The following PHLDB3 variants were observed in gnomAD, a reference collection of about 807,000 sequenced individuals.
PHLDB3 encodes pleckstrin homology-like domain family B member 3.
A neutral mutation model predicts 85.7 loss-of-function variants in PHLDB3; 86 were observed. The observed-to-expected ratio is 1.00, with a 90% CI of 0.84 to 1.20. The LOEUF is 1.20. PHLDB3 is among the 50% of genes most tolerant of loss of function. PHLDB3 has a pLI of 0.00. For synonymous variants in PHLDB3, 376 were observed against 349.8 expected (o/e 1.07, Z -0.83); for missense variants, 995 against 873.0 (o/e 1.14, Z -1.76).
intron 9 of PHLDB3, among the ~76,000 whole-genome samples, 172 bp from the exon 10 acceptor site, chr19:43,487,295 C>A (rs1463772759): frequency 1.3e-5 from 2 of 152,154 alleles, no homozygotes; most frequent in Non-Finnish European, 2.9e-5. Context: ...AAATATCAAG[C>A]TGAGCACAGT....
chr19:43,503,279 G>T (rs1007763211), intron 2 of PHLDB3, among the ~76,000 whole-genome samples: 17 of 91,136 alleles, frequency 1.9e-4, no homozygotes, highest in Non-Finnish European at 4.5e-5. Flanking sequence ...CTGTCTATCT[G>T]GTCTCTCTCT....
chr19:43,497,758 C>T lies in PHLDB3; in HGVS notation c.653G>A (p.Gly218Asp). ...ACCAGATGCCATTACCTCCTGCACA[C>T]CCTGCAGAAGCCGCTCGCGTTGGTC... is the stretch of plus-strand genomic sequence containing the variant. ...PEDQRERLLQGVQEMREQLDV... is the reference protein window; with the variant it reads ...PEDQRERLLQDVQEMREQLDV... Residue 218 changes from glycine to aspartate, a missense_variant, in exon 5 of 16, where the codon GGT becomes GAT. Gly to Asp is a moderately conservative substitution (Grantham distance 94, BLOSUM62 -1). Transcript: ENST00000292140. The T allele has an allele frequency of 1.3e-6, 2 of 1,552,072 alleles. No individual in the cohort carries two copies. The highest frequency in any genetic ancestry group is 1.7e-6 in the Non-Finnish European group (2 of 1,147,236).
At chr19:43,491,839 G>T (rs1971320355) in intron 9 of PHLDB3, among the ~76,000 whole-genome samples, 1 of 151,356 alleles carries the variant, frequency 6.6e-6, no homozygotes, top group African/African-American at 2.4e-5. Flanking sequence ...TAGAGACAGG[G>T]TTTCACCATG....
rs751407231 is a variant in PHLDB3, at chr19:43,502,126, C to A, written c.371G>T (p.Arg124Leu). ...LMEQRVKELQ[R>L]QRKELRIEME... Reference sequence around the variant, plus strand: ...CTCGATCCTCAGCTCCTTCCTCTGGCGCTGTAGCTCCTTCACTCGCTGCTC... The same window carrying A: ...CTCGATCCTCAGCTCCTTCCTCTGGAGCTGTAGCTCCTTCACTCGCTGCTC... The change falls in exon 3 of 16, where the codon CGC (arginine) becomes CTC (leucine). Residue 124 changes from arginine to leucine, a missense_variant. By Grantham distance (102) the Arg-to-Leu change is moderately radical (BLOSUM62 -2). Coordinates refer to ENST00000292140, the MANE Select transcript of PHLDB3 (RefSeq NM_198850.4). 3 of 1,578,158 alleles carry A rather than the reference C, an allele frequency of 1.9e-6. No individual in the cohort carries two copies. The highest frequency in any genetic ancestry group is 4.7e-5 in the East Asian group (2 of 42,686).
Position 43,487,047 on chromosome 19 carries a change from C to T in PHLDB3, c.1226G>A (p.Arg409Gln), listed in dbSNP as rs761687416. Reference protein sequence around the residue: ...GERGSQRGSPRPLSFHCTESL... With the variant: ...GERGSQRGSPQPLSFHCTESL... ...ACCAGTACAATGGAAGGACAGAGGT[C>T]GGGGGGATCCTCTCTGGCTCCCCCT... is the stretch of plus-strand genomic sequence containing the variant. The change falls in exon 10 of 16, where the codon CGA (arginine) becomes CAA (glutamine). Residue 409 changes from arginine (R) to glutamine (Q), a missense_variant. Transcript: ENST00000292140. 28 of 1,575,898 alleles carry T rather than the reference C, an allele frequency of 1.8e-5. 1 individual carries two copies. Among genetic ancestry groups the T allele is most frequent in the Admixed American group, 5.6e-5 (3 of 53,582 alleles).
In PHLDB3 at chr19:43,503,892, C is replaced by G. The variant is rs1568487477; in HGVS notation, c.213+14G>C. On this transcript the variant is annotated intron_variant, in intron 2 of 15. Coordinates refer to ENST00000292140, the MANE Select transcript of PHLDB3 (RefSeq NM_198850.4). ...GGTCCAAGCCCCCCGCGCTGTCGCC[C>G]TCGGGCCCCTCACCGCGTCGCGGCT... 6 of 1,613,580 alleles carry G rather than the reference C, an allele frequency of 3.7e-6. No homozygotes were observed. Among genetic ancestry groups the G allele is most frequent in the Non-Finnish European group, 5.1e-6 (6 of 1,179,740 alleles).
At chr19:43,491,952 T>G (rs537589248) in intron 9 of PHLDB3, among the ~76,000 whole-genome samples, 23 of 143,162 alleles carry the variant, frequency 1.6e-4, no homozygotes, top group African/African-American at 5.2e-5. Context: ...GCCGTTTTTT[T>G]TTTTTTGTTT....
chr19:43,487,574 C>CAAA (rs760708749), intron 9 of PHLDB3, among the ~76,000 whole-genome samples: 5 of 38,508 alleles, frequency 1.3e-4, no homozygotes, highest in South Asian at 1.2e-3. Flanking sequence ...GACTCTGTCT[C>CAAA]AAAAAAAAAA....
At position 43,485,419 on chromosome 19, in the gene PHLDB3, G is replaced by T. The variant is rs188613864; in HGVS notation, c.1485+847C>A. Among the ~76,000 whole-genome samples the T allele has an allele frequency of 6.8e-3, 1,037 of 151,670 alleles. 15 individuals carry two copies. Among genetic ancestry groups the T allele is most frequent in the Non-Finnish European group, 7.4e-3 (503 of 67,934 alleles). ...GTAGAGACGGGGTTTCACCATCTTG[G>T]CCAGGCTGGTCTTGAACTCCTGACC... is the stretch of plus-strand genomic sequence containing the variant. On this transcript the variant is annotated intron_variant, in intron 13 of 15. Coordinates refer to ENST00000292140, the MANE Select transcript of PHLDB3 (RefSeq NM_198850.4).
intron 13 of PHLDB3, among the ~76,000 whole-genome samples, chr19:43,480,513 A>C (rs1568473193): frequency 1.3e-5 from 2 of 152,100 alleles, no homozygotes; most frequent in Non-Finnish European, 2.9e-5. Flanking sequence ...GGATCACTTG[A>C]GCCCAGGAGA....
At chr19:43,477,096 C>T (rs942133617) in intron 15 of PHLDB3, among the ~76,000 whole-genome samples, 1 of 152,206 alleles carries the variant, frequency 6.6e-6, no homozygotes, top group Non-Finnish European at 1.5e-5. Flanking sequence ...TGAGCCACGA[C>T]GCCTGGCAGA....
chr19:43,491,087 C>T (rs17724968), intron 9 of PHLDB3, among the ~76,000 whole-genome samples: 12,339 of 152,258 alleles, frequency 0.081, 795 homozygotes, highest in East Asian at 0.32. Flanking sequence ...CAGGGGCCAA[C>T]AAGTCAGGTG....
At chr19:43,477,880 C>T (rs1970960545) in intron 15 of PHLDB3, among the ~76,000 whole-genome samples, 167 bp downstream of exon 15, 1 of 152,012 alleles carries the variant, frequency 6.6e-6, no homozygotes, top group Admixed American at 6.6e-5. Context: ...TTAGTCCCTG[C>T]AGTCAGGTGA....
chr19:43,500,923 C>CCCCCCCCCA (rs1555757872), intron 4 of PHLDB3, among the ~76,000 whole-genome samples: 3 of 105,760 alleles, frequency 2.8e-5, no homozygotes, highest in Admixed American at 9.0e-5. Flanking sequence ...CCCCCCCACC[C>CCCCCCCCCA]CGCAAGTACT....
rs942215218 is a variant in PHLDB3, at chr19:43,475,206, G to T, written c.*204C>A. ...TCCTGCCCCGGGCAGGGCCTTAGGG[G>T]CCGGCGATCCCGTCGGGGGCAAGGC... On this transcript the variant is annotated 3_prime_UTR_variant, in exon 16 of 16. Transcript: ENST00000292140. 1 of 635,240 alleles carries T rather than the reference G, an allele frequency of 1.6e-6. No homozygotes were observed. Among genetic ancestry groups the T allele is most frequent in the Non-Finnish European group, 2.6e-6 (1 of 381,890 alleles). The allele number at this position is 635,240 out of a possible 1,614,324, so 39.4% of individuals were successfully genotyped here.
rs545395573 is a variant in PHLDB3, at chr19:43,502,394, A to G, written c.214-111T>C. The G allele has an allele frequency of 1.1e-4, 104 of 967,310 alleles. 2 individuals carry two copies. In the African/African-American group the frequency reaches 1.5e-3, roughly 14 times the overall value. The allele number at this position is 967,310 out of a possible 1,614,324, so 59.9% of individuals were successfully genotyped here. A position where few individuals can be genotyped will look rare whatever the true frequency, so the allele number is the denominator to read the frequency against. On this transcript the variant is annotated intron_variant, in intron 2 of 15. Transcript: ENST00000292140. Reference sequence around the variant, plus strand: ...TCTGCGGGTCTCAGTCCATCAGTCCACTTACCTAACACAACCACCACTCCC... The same window carrying G: ...TCTGCGGGTCTCAGTCCATCAGTCCGCTTACCTAACACAACCACCACTCCC...
intron 14 of PHLDB3, 65 bp from the exon 15 acceptor site, chr19:43,478,197 AGGGT>A: frequency 7.7e-7 from 1 of 1,290,736 alleles, no homozygotes; most frequent in Non-Finnish European, 1.1e-6. Context: ...TGTCGAGGTG[AGGGT>A]CATTGGCCCT....
At chr19:43,496,724 G>A in intron 6 of PHLDB3, 1 of 227,014 alleles carries the variant, frequency 4.4e-6, no homozygotes, top group Non-Finnish European at 8.5e-6. Flanking sequence ...AGTGAGCTGT[G>A]AACGTGTCAC....
chr19:43,476,469 A>AC (rs1274769705), intron 15 of PHLDB3, among the ~76,000 whole-genome samples: 2 of 152,004 alleles, frequency 1.3e-5, no homozygotes, highest in Admixed American at 6.6e-5. Context: ...ACAGAGGGAG[A>AC]CCCCATCTCT....
Sources: allele counts gnomAD v4.1 joint callset (sites outside exome capture counted in the v4.1 genomes callset), GRCh38; gene constraint gnomAD v4.1.1; transcripts MANE v1.5; gene names NCBI Gene and HGNC (gene_info 2026-07-23, HGNC 2026-07-21).